LRP1B: variants seen among roughly 807,000 people sequenced by gnomAD.
The protein encoded by LRP1B is LDL receptor related protein 1B, also known as low-density lipoprotein receptor-related protein 1B.
LRP1B carries 217 observed loss-of-function variants against 556.6 expected under a neutral mutation model. The observed-to-expected ratio is 0.39, with a 90% CI of 0.35 to 0.44. LRP1B has a LOEUF of 0.44. LRP1B is among the 20% of genes least tolerant of loss of function. LRP1B has a pLI of 1.00. For synonymous variants in LRP1B, 2,047 were observed against 1,865.8 expected (o/e 1.10, Z -2.50); for missense variants, 5,053 against 5,620.8 (o/e 0.90, Z 3.23).
intron 5 of LRP1B, among the ~76,000 whole-genome samples, chr2:141,242,213 A>T (rs562213097): frequency 3.9e-5 from 6 of 152,180 alleles, no homozygotes; most frequent in Non-Finnish European, 7.4e-5. Flanking sequence ...TTCTTCCCCC[A>T]CTACACAGAC....
intron 41 of LRP1B, among the ~76,000 whole-genome samples, chr2:140,603,553 C>T (rs763636283): frequency 1.3e-5 from 2 of 152,064 alleles, no homozygotes; most frequent in African/African-American, 4.8e-5. Flanking sequence ...TCTTCTCTTC[C>T]AGTAACCATG....
At chr2:141,524,890 C>G (rs977695133) in intron 2 of LRP1B, among the ~76,000 whole-genome samples, 1 of 151,866 alleles carries the variant, frequency 6.6e-6, no homozygotes. Context: ...ACAGTGCAAC[C>G]TGATGCAGGA....
intron 74 of LRP1B, among the ~76,000 whole-genome samples, chr2:140,357,330 G>A (rs1335187800): frequency 6.6e-6 from 1 of 151,406 alleles, no homozygotes; most frequent in Non-Finnish European, 1.5e-5. Context: ...CCATATCCTG[G>A]TGGGTATTGC....
intron 35 of LRP1B, among the ~76,000 whole-genome samples, chr2:140,745,667 G>A (rs962458374): frequency 6.6e-6 from 1 of 151,942 alleles, no homozygotes; most frequent in Admixed American, 6.6e-5. Flanking sequence ...TTTCATGAAA[G>A]ATTTTCTTCC....
At chr2:141,122,249 G>A (rs1370773163) in intron 7 of LRP1B, among the ~76,000 whole-genome samples, 9 of 151,874 alleles carry the variant, frequency 5.9e-5, no homozygotes, top group East Asian at 1.9e-4. Flanking sequence ...AAATTGACAA[G>A]TGGGATCTAA....
At chr2:140,672,151 T>TTATAG (rs1181045652) in intron 41 of LRP1B, among the ~76,000 whole-genome samples, 2 of 152,106 alleles carry the variant, frequency 1.3e-5, no homozygotes, top group South Asian at 4.2e-4. Flanking sequence ...AGGATGCTAG[T>TTATAG]TATAGACATT....
Position 140,253,592 on chromosome 2 carries a change from T to C in LRP1B, c.13248-6430A>G, listed in dbSNP as rs549063401. 2.0e-3 allele frequency among the ~76,000 whole-genome samples: 250 copies of C among 123,042 alleles called. 1 individual carries two copies. The highest frequency in any genetic ancestry group is 6.1e-3 in the African/African-American group (237 of 39,140). The allele number at this position is 123,042 out of a possible 152,430, so 80.7% of individuals were successfully genotyped here. The stretch of plus-strand genomic sequence containing the variant: ...ACTTGAGTAGAAGTGGTCACTGAAG[T>C]GTTAAACGATGACTAAATATATATT... On this transcript the variant is annotated intron_variant, in intron 86 of 90. Transcript: ENST00000389484.
chr2:141,181,626 AAT>A (rs1372594763), intron 7 of LRP1B, among the ~76,000 whole-genome samples: 1 of 151,944 alleles, frequency 6.6e-6, no homozygotes, highest in African/African-American at 2.4e-5. Flanking sequence ...CTTTATGAAT[AAT>A]ATGAGTCAAA....
At chr2:142,021,579 T>A (rs1475171107) in intron 1 of LRP1B, among the ~76,000 whole-genome samples, 4 of 152,266 alleles carry the variant, frequency 2.6e-5, no homozygotes, top group African/African-American at 9.6e-5. Context: ...AATATCCTAC[T>A]TCAAGGAAAG....
chr2:140,259,711 C>A (rs953304748), intron 86 of LRP1B, among the ~76,000 whole-genome samples: 3 of 151,850 alleles, frequency 2.0e-5, no homozygotes, highest in African/African-American at 7.2e-5. Flanking sequence ...TCAGACATAA[C>A]CTCTTATTTG....
intron 2 of LRP1B, among the ~76,000 whole-genome samples, chr2:141,489,656 G>A (rs1217657106): frequency 1.3e-5 from 2 of 151,998 alleles, no homozygotes; most frequent in African/African-American, 4.8e-5. Context: ...TATTTCATAA[G>A]ATCTTGTTCT....
At chr2:140,328,293 C>T (rs192162796) in intron 79 of LRP1B, among the ~76,000 whole-genome samples, 1 of 151,916 alleles carries the variant, frequency 6.6e-6, no homozygotes, top group Admixed American at 6.6e-5. Flanking sequence ...GATACATAGG[C>T]TCACTAAGTT....
chr2:141,535,428 T>C (rs1685039513), intron 2 of LRP1B, among the ~76,000 whole-genome samples: 2 of 151,974 alleles, frequency 1.3e-5, no homozygotes, highest in African/African-American at 2.4e-5. Flanking sequence ...ACTATTACTG[T>C]TGTGTAAACA....
intron 59 of LRP1B, among the ~76,000 whole-genome samples, chr2:140,481,841 T>C (rs1185504632): frequency 1.3e-5 from 2 of 152,092 alleles, no homozygotes; most frequent in African/African-American, 4.8e-5. Flanking sequence ...TAATTACATA[T>C]GTTTAATTTG....
intron 7 of LRP1B, among the ~76,000 whole-genome samples, chr2:141,186,680 T>C (rs1170013096): frequency 1.1e-4 from 16 of 152,056 alleles, no homozygotes; most frequent in Non-Finnish European, 7.4e-5. Context: ...CTTGAAGGAA[T>C]CCAGCAGAGA....
chr2:141,402,527 TA>T (rs879440612), intron 3 of LRP1B, among the ~76,000 whole-genome samples: 45 of 151,392 alleles, frequency 3.0e-4, no homozygotes, highest in Admixed American at 2.7e-3. Flanking sequence ...GTGTTTGAGG[TA>T]AAAAAAAATC....
intron 3 of LRP1B, among the ~76,000 whole-genome samples, chr2:141,331,658 T>C (rs533837012): frequency 2.6e-5 from 4 of 152,178 alleles, no homozygotes; most frequent in African/African-American, 7.2e-5. Flanking sequence ...GAGAGAAATA[T>C]TGTCTTAATA....
chr2:141,037,427 G>T (rs529071922), intron 11 of LRP1B, among the ~76,000 whole-genome samples: 1 of 152,186 alleles, frequency 6.6e-6, no homozygotes, highest in Non-Finnish European at 1.5e-5. Flanking sequence ...TGGAGCTTCT[G>T]TGGTGCCTCT....
intron 2 of LRP1B, among the ~76,000 whole-genome samples, chr2:141,668,331 C>T (rs1342639658): frequency 6.6e-6 from 1 of 152,096 alleles, no homozygotes; most frequent in Non-Finnish European, 1.5e-5. Context: ...ACCCTCAAGC[C>T]TGGAATGGGA....
Sources: gnomAD v4.1 joint callset for allele counts (sites outside exome capture counted in the v4.1 genomes callset) on GRCh38, gnomAD v4.1.1 for gene constraint, MANE v1.5 for transcripts, NCBI Gene and HGNC (gene_info 2026-07-23, HGNC 2026-07-21) for gene names.